ZNF527: variants seen among roughly 807,000 people sequenced by gnomAD.
ZNF527 encodes zinc finger protein 527.
ZNF527 carries 5 observed loss-of-function variants against 13.5 expected under a neutral mutation model. The ratio of observed to expected loss-of-function variants is 0.37; its 90% confidence interval spans 0.19 to 0.78. The LOEUF (loss-of-function observed/expected upper bound fraction) is 0.78, where lower values mean the gene tolerates loss of function less well. Among genes scored for constraint, ZNF527 ranks in the 30% least tolerant of loss-of-function variants. ZNF527 has a pLI of 0.48. For missense variants in ZNF527, 628 were observed against 726.4 expected (o/e 0.86, Z 1.56); for synonymous variants, 209 against 243.1 (o/e 0.86, Z 1.30).
chr19:37,388,986 C>T lies in ZNF527; in HGVS notation c.937C>T (p.His313Tyr), dbSNP rs1276349215. Residue 313 changes from histidine to tyrosine, a missense_variant, in exon 5 of 5, where the codon CAC (histidine) becomes TAC (tyrosine). Coordinates refer to ENST00000436120, the MANE Select transcript of ZNF527 (RefSeq NM_032453.2). ...ACNDCGKAFS[H>Y]DFFLSEHQRT... is the part of the protein sequence containing the mutation. ...CAATGACTGTGGAAAAGCCTTTAGCCACGACTTCTTTCTCAGTGAACATCA... is the reference window on the plus strand; with the variant it reads ...CAATGACTGTGGAAAAGCCTTTAGCTACGACTTCTTTCTCAGTGAACATCA... The T allele has an allele frequency of 6.2e-7, 1 of 1,614,094 alleles. No individual in the cohort carries two copies. Among genetic ancestry groups the T allele is most frequent in the Admixed American group, 1.7e-5 (1 of 60,016 alleles).
chr19:37,388,843 A>C lies in ZNF527; in HGVS notation c.794A>C (p.Gln265Pro). 2 of 1,614,176 alleles carry C rather than the reference A, an allele frequency of 1.2e-6. No individual in the cohort carries two copies. Among genetic ancestry groups the C allele is most frequent in the Non-Finnish European group, 1.7e-6 (2 of 1,180,036 alleles). The change falls in exon 5 of 5, where the codon CAG (glutamine) becomes CCG (proline). Residue 265 changes from glutamine to proline, a missense_variant. Transcript: ENST00000436120. ...TTCCACTCATTATTTACTCAACATC[A>C]GACCACTCATTTTGGAAAATTACCC... ...LSFHSLFTQH[Q>P]TTHFGKLPHG...
rs2146830537 is a variant in ZNF527, at chr19:37,391,922, A to G, written c.*2043A>G. 6.6e-6 allele frequency: 1 copy of G among 152,328 alleles called. No homozygotes were observed. Among genetic ancestry groups the G allele is most frequent in the South Asian group, 2.1e-4 (1 of 4,828 alleles). The allele number at this position is 152,328 out of a possible 1,614,324, so 9.4% of individuals were successfully genotyped here. On this transcript the variant is annotated 3_prime_UTR_variant, in exon 5 of 5. Coordinates refer to ENST00000436120, the MANE Select transcript of ZNF527 (RefSeq NM_032453.2). ...TTGCCTGAAGAGCATCTGTAAAAAC[A>G]TATCAGAACAAATGAAAGAGGAAAG...
At chr19:37,385,105 C>G (rs2040687680) in intron 4 of ZNF527, 1 of 469,288 alleles carries the variant, frequency 2.1e-6, no homozygotes. Context: ...GGATTACTGG[C>G]ATACTTCCAC....
At position 37,380,287 on chromosome 19, in the gene ZNF527, T is replaced by C. The variant is rs931822632; in HGVS notation, c.171T>C (p.Ile57=). The part of the protein sequence containing the change: ...YRNLVWLGLS[I]SKPNMISLLE... The stretch of plus-strand genomic sequence containing the variant: ...TTCCCCTGTGAACAGGACTCTCCAT[T>C]TCTAAGCCCAACATGATCTCCTTAC... Residue 57 remains isoleucine, a synonymous_variant, in exon 4 of 5, where the codon ATT becomes ATC. Transcript: ENST00000436120. 1.2e-6 allele frequency: 2 copies of C among 1,613,912 alleles called. No individual in the cohort carries two copies. The highest frequency in any genetic ancestry group is 2.7e-5 in the African/African-American group (2 of 74,922).
chr19:37,372,462 CTTTTCTTTTTTTTT>C (rs892307542), intron 1 of ZNF527, among the ~76,000 whole-genome samples: 4 of 106,690 alleles, frequency 3.7e-5, no homozygotes. Flanking sequence ...CTTTTCTTTT[CTTTTCTTTTTTTTT>C]TTTTTTTTTT....
At position 37,379,150 on chromosome 19, in the gene ZNF527, G is replaced by A. The variant is rs1335886067; in HGVS notation, c.64G>A (p.Asp22Asn). The change falls in exon 3 of 5, where the codon GAC becomes AAC. Residue 22 changes from aspartate to asparagine, a missense_variant. This residue lies in a region of ZNF527 where 33 missense variants were observed against 31.2 expected (regional missense o/e 1.06). Coordinates refer to ENST00000436120, the MANE Select transcript of ZNF527 (RefSeq NM_032453.2). ...GGTGACCTTCAGAGATGTGGCGCTA[G>A]ACTTTTCCCAAGAAGAGTGGGAATG... Reference protein sequence around the residue: ...GLVTFRDVALDFSQEEWEWLK... With the variant: ...GLVTFRDVALNFSQEEWEWLK... 6.2e-7 allele frequency: 1 copy of A among 1,614,028 alleles called. No homozygotes were observed. Among genetic ancestry groups the A allele is most frequent in the East Asian group, 2.2e-5 (1 of 44,852 alleles).
rs2040736938 is a variant in ZNF527 at position 37,389,785 on chromosome 19, A to G, written c.1736A>G (p.Glu579Gly). ...CTACACCAGAGAATTCACGCTGGAG[A>G]AAAACCTTATAAATGTAACGAATGT... is the stretch of plus-strand genomic sequence containing the variant. ...LRLHQRIHAG[E>G]KPYKCNECGN... Residue 579 changes from glutamate to glycine, a missense_variant, in exon 5 of 5, where the codon GAA becomes GGA. Physicochemically the swap from Glu to Gly is moderately conservative, Grantham distance 98 (BLOSUM62 -2). Coordinates refer to ENST00000436120, the MANE Select transcript of ZNF527 (RefSeq NM_032453.2). 2 of 1,613,500 alleles carry G rather than the reference A, an allele frequency of 1.2e-6. No homozygotes were observed. The highest frequency in any genetic ancestry group is 1.7e-6 in the Non-Finnish European group (2 of 1,180,028).
chr19:37,373,236 T>A (rs369295386), intron 1 of ZNF527, among the ~76,000 whole-genome samples: 5 of 152,194 alleles, frequency 3.3e-5, no homozygotes, highest in East Asian at 1.9e-4. Context: ...GCTGTGTGTG[T>A]GAGAGAGAGA....
At chr19:37,373,123 T>C in intron 1 of ZNF527, among the ~76,000 whole-genome samples, 1 of 152,218 alleles carries the variant, frequency 6.6e-6, no homozygotes, top group East Asian at 1.9e-4. Flanking sequence ...TTAATACCTA[T>C]CTTTGTAGTT....
Position 37,390,040 on chromosome 19 carries a change from T to TTTC in ZNF527, c.*163_*164insCTT. 1.1e-6 allele frequency: 1 copy of TTTC among 937,442 alleles called. No homozygotes were observed. Among genetic ancestry groups the TTTC allele is most frequent in the East Asian group, 2.8e-5 (1 of 36,038 alleles). 58.1% of individuals were successfully genotyped at this position (937,442 alleles called of 1,614,324 possible). On this transcript the variant is annotated 3_prime_UTR_variant, in exon 5 of 5. Coordinates refer to ENST00000436120, the MANE Select transcript of ZNF527 (RefSeq NM_032453.2). ...CAGTAGTAGACATCTGTTACTTTTT[T>TTTC]TTTTTTCAGACAGAGTCTCGCTCTG...
intron 1 of ZNF527, among the ~76,000 whole-genome samples, chr19:37,371,913 ATAT>A (rs994940872): frequency 1.3e-5 from 2 of 152,018 alleles, no homozygotes; most frequent in African/African-American, 2.4e-5. Flanking sequence ...AAGCACAGAA[ATAT>A]TAGAATTACC....
rs1294893535 is a variant in ZNF527 at position 37,392,071 on chromosome 19, A to G, written c.*2192A>G. On this transcript the variant is annotated 3_prime_UTR_variant, in exon 5 of 5. Transcript: ENST00000436120. ...TCATAAATATTCAAATTCCCTTTAAACAGCTTAAAATACAGATTTAGTGAC... is the reference window on the plus strand; with the variant it reads ...TCATAAATATTCAAATTCCCTTTAAGCAGCTTAAAATACAGATTTAGTGAC... 1 of 152,232 alleles carries G rather than the reference A, an allele frequency of 6.6e-6. No homozygotes were observed. The highest frequency in any genetic ancestry group is 1.5e-5 in the Non-Finnish European group (1 of 68,038). The allele number at this position is 152,232 out of a possible 1,614,324, so 9.4% of individuals were successfully genotyped here.
intron 2 of ZNF527, 34 bp from the exon 3 acceptor site, chr19:37,379,086 G>C: frequency 1.9e-6 from 3 of 1,613,756 alleles, no homozygotes. Flanking sequence ...ATAGGTGTCT[G>C]GGCACCTGGT....
At position 37,388,414 on chromosome 19, in the gene ZNF527, A is replaced by C. The variant is rs61745500; in HGVS notation, c.365A>C (p.Glu122Ala). The C allele has an allele frequency of 3.3e-4, 539 of 1,614,164 alleles. No individual in the cohort carries two copies. The African/African-American group carries it at 6.6e-3, about 20-fold the overall frequency. ...GAAAGGCTAGCAAGTCATGGCCTTG[A>C]ATGCTCCAGTTTCAGAGAAGCCTGG... The part of the protein sequence containing the change: ...VMERLASHGL[E>A]CSSFREAWKY... The change falls in exon 5 of 5, where the codon GAA becomes GCA. Residue 122 changes from glutamate to alanine, a missense_variant. Transcript: ENST00000436120.
At position 37,379,162 on chromosome 19, in the gene ZNF527, G is replaced by A; in HGVS notation, c.76G>A (p.Glu26Lys). The change falls in exon 3 of 5, where the codon GAA (glutamate) becomes AAA (lysine). Residue 26 changes from glutamate to lysine, a missense_variant. Coordinates refer to ENST00000436120, the MANE Select transcript of ZNF527 (RefSeq NM_032453.2). The part of the protein sequence containing the change: ...FRDVALDFSQ[E>K]EWEWLKPSQK... The stretch of plus-strand genomic sequence containing the variant: ...AGATGTGGCGCTAGACTTTTCCCAA[G>A]AAGAGTGGGAATGGCTGAAGCCATC... The A allele has an allele frequency of 3.1e-6, 5 of 1,613,986 alleles. No individual in the cohort carries two copies. The highest frequency in any genetic ancestry group is 4.2e-6 in the Non-Finnish European group (5 of 1,179,970).
chr19:37,375,506 C>T (rs1485190871), intron 2 of ZNF527, among the ~76,000 whole-genome samples: 2 of 151,276 alleles, frequency 1.3e-5, no homozygotes, highest in Non-Finnish European at 2.9e-5. Context: ...GGACTATAGG[C>T]ACACACCACC....
chr19:37,372,472 T>C (rs867535308), intron 1 of ZNF527, among the ~76,000 whole-genome samples: 42 of 130,590 alleles, frequency 3.2e-4, no homozygotes, highest in South Asian at 1.1e-3. Flanking sequence ...CTTTTCTTTT[T>C]TTTTTTTTTT....
At chr19:37,377,403 T>G (rs776937070) in intron 2 of ZNF527, among the ~76,000 whole-genome samples, 3 of 151,740 alleles carry the variant, frequency 2.0e-5, no homozygotes, top group Non-Finnish European at 4.4e-5. Flanking sequence ...TCGGGATGAG[T>G]TGATGGTGGT....
intron 4 of ZNF527, among the ~76,000 whole-genome samples, chr19:37,387,427 C>G (rs2040709089): frequency 6.6e-6 from 1 of 152,150 alleles, no homozygotes; most frequent in Non-Finnish European, 1.5e-5. Context: ...GGAATTATCA[C>G]CTGCACAGGC....
Sources: allele counts gnomAD v4.1 joint callset (sites outside exome capture counted in the v4.1 genomes callset), GRCh38; gene constraint gnomAD v4.1.1; regional missense constraint gnomAD v4.1.1; transcripts MANE v1.5; gene names NCBI Gene and HGNC (gene_info 2026-07-23, HGNC 2026-07-21).